Variants in RAB6A observed in about 807,000 individuals in gnomAD.
RAB6A encodes RAB6A, member RAS oncogene family, also known as ras-related protein Rab-6A.
In RAB6A, 8 loss-of-function variants were observed where a neutral mutation model predicts 32.3. The ratio of observed to expected loss-of-function variants is 0.25; its 90% CI spans 0.15 to 0.45. The LOEUF (loss-of-function observed/expected upper bound fraction) is 0.45, where lower values mean the gene tolerates loss of function less well. Among genes scored for constraint, RAB6A ranks in the 20% least tolerant of loss-of-function variants. The pLI, the probability that RAB6A is intolerant of heterozygous loss-of-function variation, is 1.00. For synonymous variants in RAB6A, 73 were observed against 82.1 expected (o/e 0.89, Z 0.60); for missense variants, 104 against 249.4 (o/e 0.42, Z 3.93).
chr11:73,722,184 C>G (rs1830069), intron 2 of RAB6A, among the ~76,000 whole-genome samples: 117,114 of 148,554 alleles, frequency 0.79, 47,038 homozygotes, highest in East Asian at 0.86. Flanking sequence ...ATACATGTGT[C>G]TCCTTTAATT....
chr11:73,756,655 T>G (rs960714557), intron 1 of RAB6A, among the ~76,000 whole-genome samples: 16 of 152,018 alleles, frequency 1.1e-4, no homozygotes, highest in African/African-American at 3.6e-4. Flanking sequence ...CAAGGAAACT[T>G]CCAATTGTGT....
intron 4 of RAB6A, among the ~76,000 whole-genome samples, chr11:73,716,956 C>G (rs887768029): frequency 6.6e-6 from 1 of 152,158 alleles, no homozygotes; most frequent in Non-Finnish European, 1.5e-5. Flanking sequence ...ACACTTCTTA[C>G]AGCAGCTAAA....
chr11:73,716,158 C>T lies in RAB6A; in HGVS notation c.401+93G>A, dbSNP rs955241634. ...GGAGGACGTAAACTTAAGGATTAAGCATGTCTCCTTTCAAAACAATTTCTC... is the reference window on the plus strand; with the variant it reads ...GGAGGACGTAAACTTAAGGATTAAGTATGTCTCCTTTCAAAACAATTTCTC... On this transcript the variant is annotated intron_variant, in intron 5 of 7. Coordinates refer to ENST00000336083, the MANE Select transcript of RAB6A (RefSeq NM_198896.2). The T allele has an allele frequency of 4.3e-6, 4 of 939,546 alleles. No homozygotes were observed. In the African/African-American group the frequency reaches 4.9e-5, roughly 12 times the overall value. The allele number at this position is 939,546 out of a possible 1,614,324, so 58.2% of individuals were successfully genotyped here.
intron 6 of RAB6A, among the ~76,000 whole-genome samples, chr11:73,703,035 T>G (rs1214104095): frequency 1.3e-5 from 2 of 151,954 alleles, no homozygotes; most frequent in African/African-American, 4.8e-5. Flanking sequence ...TTTTTAATTT[T>G]TTAGTAGAAC....
At chr11:73,695,319 T>C (rs1476105512) in intron 6 of RAB6A, among the ~76,000 whole-genome samples, 1 of 151,758 alleles carries the variant, frequency 6.6e-6, no homozygotes, top group African/African-American at 2.4e-5. Context: ...AGTATGAGAC[T>C]AGTACAGTTT....
At chr11:73,716,195 A>T (rs1946049186) in intron 5 of RAB6A, 56 bp downstream of exon 5, 1 of 1,332,536 alleles carries the variant, frequency 7.5e-7, no homozygotes, top group Non-Finnish European at 1.1e-6. Flanking sequence ...GTGAACAAAA[A>T]TAAAAGGCTG....
intron 6 of RAB6A, among the ~76,000 whole-genome samples, chr11:73,690,017 ACTT>A (rs1416916185): frequency 6.6e-6 from 1 of 152,118 alleles, no homozygotes; most frequent in African/African-American, 2.4e-5. Flanking sequence ...GGAGGGGAAA[ACTT>A]CTTTTCACAT....
intron 1 of RAB6A, among the ~76,000 whole-genome samples, chr11:73,750,835 G>T (rs1344898432): frequency 1.3e-5 from 2 of 150,760 alleles, no homozygotes; most frequent in African/African-American, 2.4e-5. Context: ...CTTTTTTTTT[G>T]AGGCAGGGTC....
At chr11:73,747,683 T>A (rs987880076) in intron 1 of RAB6A, among the ~76,000 whole-genome samples, 13 of 152,188 alleles carry the variant, frequency 8.5e-5, no homozygotes, top group Non-Finnish European at 1.8e-4. Flanking sequence ...AGCTGTCATG[T>A]CTCCTTGGTC....
chr11:73,687,584 G>T (rs1196065274), intron 6 of RAB6A, among the ~76,000 whole-genome samples: 2 of 152,218 alleles, frequency 1.3e-5, no homozygotes, highest in Non-Finnish European at 2.9e-5. Flanking sequence ...CAGGCACGGT[G>T]GCTCATGCCA....
At chr11:73,759,073 G>C (rs1298269222) in intron 1 of RAB6A, among the ~76,000 whole-genome samples, 1 of 152,144 alleles carries the variant, frequency 6.6e-6, no homozygotes, top group Non-Finnish European at 1.5e-5. Context: ...CTCTGTGATG[G>C]CATACAAATT....
chr11:73,759,931 A>T, intron 1 of RAB6A: 54 of 684,604 alleles, frequency 7.9e-5, no homozygotes, highest in Non-Finnish European at 1.0e-4. Flanking sequence ...TACCCCTTTC[A>T]CCCCCAACCA....
intron 1 of RAB6A, among the ~76,000 whole-genome samples, chr11:73,746,342 C>A (rs771095899): frequency 1.3e-5 from 2 of 152,034 alleles, no homozygotes; most frequent in East Asian, 3.9e-4. Flanking sequence ...AACATTTTCT[C>A]TATACACACA....
chr11:73,696,314 C>T (rs991343122), intron 6 of RAB6A, among the ~76,000 whole-genome samples: 10 of 152,122 alleles, frequency 6.6e-5, no homozygotes, highest in African/African-American at 2.4e-4. Context: ...TCTCCTGCCT[C>T]GACCTCCTGA....
intron 6 of RAB6A, among the ~76,000 whole-genome samples, chr11:73,693,590 AAAAG>A (rs1340746626): frequency 6.6e-6 from 1 of 150,718 alleles, no homozygotes; most frequent in Non-Finnish European, 1.5e-5. Flanking sequence ...AAGAAGAAAG[AAAAG>A]AAAGCGACAG....
chr11:73,704,511 C>T (rs1324940623), intron 6 of RAB6A, among the ~76,000 whole-genome samples: 6 of 150,006 alleles, frequency 4.0e-5, no homozygotes, highest in South Asian at 2.1e-4. Context: ...AGTGAAACTC[C>T]GTCTCTACTA....
At chr11:73,717,161 A>G (rs112044139) in intron 4 of RAB6A, among the ~76,000 whole-genome samples, 9 of 152,352 alleles carry the variant, frequency 5.9e-5, no homozygotes, top group African/African-American at 2.2e-4. Flanking sequence ...GACTGCATAT[A>G]GCACCTATCT....
chr11:73,713,864 T>C (rs1946005955), intron 5 of RAB6A, among the ~76,000 whole-genome samples: 1 of 152,138 alleles, frequency 6.6e-6, no homozygotes. Context: ...TCAACGCAAC[T>C]GACAAATGTT....
chr11:73,760,167 G>GC (rs534034439), intron 1 of RAB6A: 409 of 1,191,662 alleles, frequency 3.4e-4, no homozygotes, highest in Non-Finnish European at 4.4e-4. Flanking sequence ...CCCTGAGTGG[G>GC]CCTCACAGAG....
Sources: allele counts gnomAD v4.1 joint callset (sites outside exome capture counted in the v4.1 genomes callset), GRCh38; gene constraint gnomAD v4.1.1; transcripts MANE v1.5; gene names NCBI Gene and HGNC (gene_info 2026-07-23, HGNC 2026-07-21).